The following TSHZ3 variants were observed in gnomAD, a reference collection of about 807,000 sequenced individuals.
The protein encoded by TSHZ3 is teashirt homolog 3.
Under a neutral mutation model 64.5 loss-of-function variants are expected in TSHZ3, and 10 were observed. That is an observed-to-expected ratio of 0.16 (90% CI 0.10 to 0.26). The LOEUF (loss-of-function observed/expected upper bound fraction) is 0.26, where lower values mean the gene tolerates loss of function less well. Among genes scored for constraint, TSHZ3 ranks in the 10% least tolerant of loss-of-function variants. The pLI is 1.00. For synonymous variants in TSHZ3, 608 were observed against 593.1 expected (o/e 1.03, Z -0.36); for missense variants, 1,242 against 1,421.7 (o/e 0.87, Z 2.03).
At chr19:31,326,867 G>A (rs529693351) in intron 1 of TSHZ3, among the ~76,000 whole-genome samples, 2 of 152,218 alleles carry the variant, frequency 1.3e-5, no homozygotes, top group Middle Eastern at 3.4e-3. Context: ...CAAGTCTCAC[G>A]CAGCCTTCGG....
intron 5 of TSHZ3, among the ~76,000 whole-genome samples, chr19:31,168,996 C>T (rs913695004): frequency 5.9e-5 from 9 of 151,922 alleles, no homozygotes; most frequent in Non-Finnish European, 1.3e-4. Context: ...GAAAAATTAG[C>T]CCCACAAAGA....
rs533429033 is a variant in TSHZ3 at position 31,343,846 on chromosome 19, G to T, written c.40+5334C>A. 4.6e-5 allele frequency among the ~76,000 whole-genome samples: 7 copies of T among 151,944 alleles called. No individual in the cohort carries two copies. The South Asian group carries it at 1.5e-3, about 32-fold the overall frequency. ...AATATTGATAGCCATTGTTTAGTGGGATTTAAAAATTTAGTGACTAATTGC... is the reference window on the plus strand; with the variant it reads ...AATATTGATAGCCATTGTTTAGTGGTATTTAAAAATTTAGTGACTAATTGC... On this transcript the variant is annotated intron_variant, in intron 1 of 1. Coordinates refer to ENST00000240587, the MANE Select transcript of TSHZ3 (RefSeq NM_020856.4).
chr19:31,216,663 G>A (rs895811915), intron 4 of TSHZ3, among the ~76,000 whole-genome samples: 14 of 150,282 alleles, frequency 9.3e-5, no homozygotes, highest in Non-Finnish European at 1.5e-4. Context: ...TTGAGATGGA[G>A]TCTCACTCTG....
chr19:31,278,236 C>T lies in TSHZ3; in HGVS notation c.1557G>A (p.Gly519=). The T allele has an allele frequency of 1.2e-6, 2 of 1,614,072 alleles. No individual in the cohort carries two copies. The highest frequency in any genetic ancestry group is 1.7e-6 in the Non-Finnish European group (2 of 1,179,994). Residue 519 remains glycine, a synonymous_variant, in exon 2 of 2, where the codon GGG becomes GGA. Coordinates refer to ENST00000240587, the MANE Select transcript of TSHZ3 (RefSeq NM_020856.4). This position sits in a 1 kb window ranked among gnomAD's most constrained non-coding sequence, Gnocchi z 4.7. Reference sequence around the variant, plus strand: ...TTTCCAAGGATTTGAGGATATCAAGCCCCCCCTTGGGACTCTCTTCTAAGT... The same window carrying T: ...TTTCCAAGGATTTGAGGATATCAAGTCCCCCCTTGGGACTCTCTTCTAAGT... ...ENDLEESPKG[G]LDILKSLENT...
At chr19:31,228,958 T>A (rs1334194102) in intron 3 of TSHZ3, among the ~76,000 whole-genome samples, 1 of 152,168 alleles carries the variant, frequency 6.6e-6, no homozygotes, top group African/African-American at 2.4e-5. Context: ...GACCTGTGGG[T>A]TCCAAATTTG....
chr19:31,279,954 CAA>C lies in TSHZ3; in HGVS notation c.41-204_41-203del, dbSNP rs34501594. On this transcript the variant is annotated intron_variant, in intron 1 of 1. Transcript: ENST00000240587. This position sits in a 1 kb window ranked among gnomAD's most constrained non-coding sequence, Gnocchi z 6.4. ...GTTAAAATGTGGTGTTTCTTTGGAG[CAA>C]AAAAAAAAAAAAATCTGCTCTTCAA... 1.6e-4 allele frequency among the ~76,000 whole-genome samples: 23 copies of C among 145,482 alleles called. No individual in the cohort carries two copies. The highest frequency in any genetic ancestry group is 1.8e-4 in the African/African-American group (7 of 39,748).
chr19:31,240,782 T>C (rs183676057), intron 3 of TSHZ3, among the ~76,000 whole-genome samples: 123 of 152,294 alleles, frequency 8.1e-4, no homozygotes, highest in Admixed American at 1.4e-3. Context: ...CTCTGCCCAG[T>C]TATAATCTTC....
intron 5 of TSHZ3, among the ~76,000 whole-genome samples, chr19:31,164,199 T>C (rs1974411251): frequency 6.6e-6 from 1 of 152,006 alleles, no homozygotes; most frequent in Admixed American, 6.6e-5. Flanking sequence ...CAGGTGGCTG[T>C]TTTAGAGCTT....
At chr19:31,295,510 G>T (rs1976646626) in intron 1 of TSHZ3, among the ~76,000 whole-genome samples, 1 of 152,158 alleles carries the variant, frequency 6.6e-6, no homozygotes, top group Non-Finnish European at 1.5e-5. Context: ...AACATGGGAG[G>T]ATCACAGCAA....
intron 1 of TSHZ3, 54 bp downstream of exon 1, chr19:31,349,126 G>A (rs1244062900): frequency 2.0e-6 from 3 of 1,524,136 alleles, no homozygotes; most frequent in Non-Finnish European, 2.6e-6. Context: ...GGAGGCGCGG[G>A]GCGAGCGGAG....
chr19:31,299,654 T>C (rs891764424), intron 1 of TSHZ3, among the ~76,000 whole-genome samples: 1 of 152,176 alleles, frequency 6.6e-6, no homozygotes, highest in Non-Finnish European at 1.5e-5. Context: ...AATCTGCCTG[T>C]GCTCCAAAGG....
chr19:31,348,994 G>T (rs1375135956), intron 1 of TSHZ3, 186 bp downstream of exon 1: 2 of 687,210 alleles, frequency 2.9e-6, no homozygotes, highest in East Asian at 6.6e-5. Context: ...GGCAGAGCGC[G>T]GCGGGGCGTC....
intron 1 of TSHZ3, among the ~76,000 whole-genome samples, chr19:31,250,204 C>G (rs1188668151): frequency 3.3e-5 from 5 of 152,248 alleles, no homozygotes; most frequent in African/African-American, 9.6e-5. Context: ...TGACTTTCCT[C>G]ACCCCTATAC....
At chr19:31,203,213 A>T (rs987956094) in intron 5 of TSHZ3, among the ~76,000 whole-genome samples, 3 of 152,180 alleles carry the variant, frequency 2.0e-5, no homozygotes, top group African/African-American at 7.2e-5. Flanking sequence ...TTCCCAGAAG[A>T]GGAAACACCA....
intron 5 of TSHZ3, among the ~76,000 whole-genome samples, chr19:31,166,573 GC>G (rs2145109531): frequency 6.6e-6 from 1 of 152,300 alleles, no homozygotes; most frequent in South Asian, 2.1e-4. Flanking sequence ...TCCACTGGAT[GC>G]TGGAATCCAG....
chr19:31,206,646 TA>T lies in TSHZ3; in HGVS notation n.687-1569del, dbSNP rs112868091. ...AGCAAGAAAATTTCAAGTTATTCTT[TA>T]AAAAAAAACTTTTGAAATAGCCATT... On this transcript the variant is annotated intron_variant and non_coding_transcript_variant, in intron 4 of 6. Transcript: ENST00000651361. Among the ~76,000 whole-genome samples, 54 of 151,606 alleles carry T rather than the reference TA, an allele frequency of 3.6e-4. No homozygotes were observed. In the East Asian group the frequency reaches 3.7e-3, roughly 10 times the overall value.
At position 31,255,300 on chromosome 19, in the gene TSHZ3, C is replaced by G. The variant is rs568491403; in HGVS notation, n.64-12425G>C. ...CTGCTTGCTACCCTCTGCAGGGGGA[C>G]ACAGTAAGCTGCTCTGAAACCCCAG... On this transcript the variant is annotated intron_variant and non_coding_transcript_variant, in intron 1 of 6. Transcript: ENST00000651361. 3.3e-5 allele frequency among the ~76,000 whole-genome samples: 5 copies of G among 152,176 alleles called. No homozygotes were observed. In the East Asian group the frequency reaches 9.7e-4, roughly 30 times the overall value.
chr19:31,291,084 G>T (rs943052559), intron 1 of TSHZ3, among the ~76,000 whole-genome samples: 15 of 152,210 alleles, frequency 9.9e-5, no homozygotes, highest in African/African-American at 3.6e-4. Context: ...AGCACAGCCC[G>T]AGTGGCCAGT....
At chr19:31,158,202 G>A (rs777377112) in intron 5 of TSHZ3, among the ~76,000 whole-genome samples, 6 of 152,110 alleles carry the variant, frequency 3.9e-5, no homozygotes, top group Non-Finnish European at 7.4e-5. Context: ...CTGAACACTC[G>A]ACATGTGGCT....
Sources: gnomAD v4.1 joint callset for allele counts (sites outside exome capture counted in the v4.1 genomes callset) on GRCh38, gnomAD v4.1.1 for gene constraint, Gnocchi (gnomAD v3.1) non-coding constraint, MANE v1.5 for transcripts, NCBI Gene and HGNC (gene_info 2026-07-23, HGNC 2026-07-21) for gene names.